Variants in CAMTA1 observed in about 807,000 individuals in gnomAD.
CAMTA1 encodes the protein calmodulin-binding transcription activator 1.
CAMTA1 carries 27 observed loss-of-function variants against 170.9 expected under a neutral mutation model. The ratio of observed to expected loss-of-function variants is 0.16; its 90% CI spans 0.12 to 0.22. CAMTA1 has a LOEUF of 0.22. Among genes scored for constraint, CAMTA1 ranks in the 10% least tolerant of loss-of-function variants. The probability of loss-of-function intolerance (pLI) is 1.00; values close to 1 mark genes in which losing one functional copy is unlikely to be tolerated. For missense variants in CAMTA1, 1,619 were observed against 2,217.2 expected (o/e 0.73, Z 5.42); for synonymous variants, 833 against 891.5 (o/e 0.93, Z 1.17).
At chr1:7,268,658 T>C (rs1669265537) in intron 5 of CAMTA1, among the ~76,000 whole-genome samples, 1 of 152,308 alleles carries the variant, frequency 6.6e-6, no homozygotes, top group Non-Finnish European at 1.5e-5. Flanking sequence ...AGCAAGCTGA[T>C]CTGCAAATAA....
intron 7 of CAMTA1, among the ~76,000 whole-genome samples, chr1:7,645,543 G>T (rs1022270657): frequency 5.3e-5 from 8 of 152,248 alleles, no homozygotes; most frequent in Non-Finnish European, 1.0e-4. Flanking sequence ...CCACCTGGAG[G>T]CTCCTCTTGG....
intron 3 of CAMTA1, among the ~76,000 whole-genome samples, chr1:6,987,460 C>T (rs2412218): frequency 0.28 from 43,166 of 152,106 alleles, 6,220 homozygotes; most frequent in Non-Finnish European, 0.31. Context: ...CCATCACGCC[C>T]GGCCAAAGAC....
chr1:7,612,078 C>T (rs180812282), intron 6 of CAMTA1, among the ~76,000 whole-genome samples: 1 of 152,344 alleles, frequency 6.6e-6, no homozygotes, highest in Non-Finnish European at 1.5e-5. Context: ...AGTTGCCATC[C>T]ACGGACAGCT....
intron 4 of CAMTA1, among the ~76,000 whole-genome samples, chr1:7,100,814 C>T (rs1035793825): frequency 6.6e-6 from 1 of 152,240 alleles, no homozygotes; most frequent in Non-Finnish European, 1.5e-5. Context: ...GGGCCATCCA[C>T]TATGCTGTGC....
intron 9 of CAMTA1, among the ~76,000 whole-genome samples, chr1:7,666,027 G>T (rs752390298): frequency 1.8e-4 from 27 of 151,944 alleles, no homozygotes; most frequent in Non-Finnish European, 3.8e-4. Context: ...AAATTAACTG[G>T]GCGTAGTGGC....
chr1:7,500,314 G>A lies in CAMTA1; in HGVS notation c.510+32413G>A, dbSNP rs71509040. Among the ~76,000 whole-genome samples, 181 of 127,342 alleles carry A rather than the reference G, an allele frequency of 1.4e-3. 1 individual carries two copies. The highest frequency in any genetic ancestry group is 3.5e-3 in the East Asian group (11 of 3,138). 83.5% of individuals were successfully genotyped at this position (127,342 alleles called of 152,430 possible). A position where few individuals can be genotyped will look rare whatever the true frequency, so the allele number is the denominator to read the frequency against. On this transcript the variant is annotated intron_variant, in intron 6 of 22. Coordinates refer to ENST00000303635, the MANE Select transcript of CAMTA1 (RefSeq NM_015215.4). ...TGAGTGTGTGTGTGCATGTGTGTCC[G>A]TGAGCGAGTGTGTAGAGAGGATGGT...
chr1:7,029,163 G>A (rs1702434781), intron 3 of CAMTA1, among the ~76,000 whole-genome samples: 2 of 152,162 alleles, frequency 1.3e-5, no homozygotes, highest in South Asian at 4.1e-4. Flanking sequence ...TAATGCATGT[G>A]AGCCTTCATT....
chr1:7,342,273 C>A (rs533022686), intron 5 of CAMTA1, among the ~76,000 whole-genome samples: 84 of 152,288 alleles, frequency 5.5e-4, no homozygotes, highest in African/African-American at 1.9e-3. Context: ...AAGGTGGATG[C>A]AGAGCCCGGG....
intron 3 of CAMTA1, among the ~76,000 whole-genome samples, chr1:6,869,471 T>C (rs1256143183): frequency 6.6e-6 from 1 of 152,202 alleles, no homozygotes. Context: ...CAGAATCAGC[T>C]CTTTGTTGTC....
At chr1:7,339,818 A>G (rs12078450) in intron 5 of CAMTA1, among the ~76,000 whole-genome samples, 9,640 of 152,128 alleles carry the variant, frequency 0.063, 992 homozygotes, top group African/African-American at 0.22. Context: ...GCTGGTCTCA[A>G]ACTCCTGACC....
intron 3 of CAMTA1, among the ~76,000 whole-genome samples, chr1:6,880,932 CAA>C (rs921413857): frequency 1.3e-5 from 2 of 151,770 alleles, no homozygotes; most frequent in Non-Finnish European, 2.9e-5. Context: ...TAATAATAAA[CAA>C]TAAACAAAAA....
At chr1:6,917,489 G>A (rs1681063879) in intron 3 of CAMTA1, among the ~76,000 whole-genome samples, 1 of 149,776 alleles carries the variant, frequency 6.7e-6, no homozygotes, top group South Asian at 2.1e-4. Context: ...TGGAGCTGGA[G>A]AGAAGTGACA....
At chr1:7,493,651 G>T (rs1370173011) in intron 6 of CAMTA1, among the ~76,000 whole-genome samples, 2 of 24,852 alleles carry the variant, frequency 8.0e-5, no homozygotes, top group East Asian at 1.1e-3. Context: ...ACTGGGGGGG[G>T]GGGGGGGTCA....
intron 4 of CAMTA1, among the ~76,000 whole-genome samples, chr1:7,230,667 C>T (rs1307977591): frequency 2.6e-5 from 4 of 152,176 alleles, no homozygotes; most frequent in Admixed American, 2.6e-4. Context: ...TCAGGCTCTT[C>T]AGCTCGGGAG....
chr1:6,999,248 G>A (rs995612092), intron 3 of CAMTA1, among the ~76,000 whole-genome samples: 5 of 152,138 alleles, frequency 3.3e-5, no homozygotes, highest in Non-Finnish European at 1.5e-5. Context: ...TTTGTGTTAC[G>A]TTGTTCTTGC....
intron 6 of CAMTA1, among the ~76,000 whole-genome samples, chr1:7,468,378 T>A (rs2093261259): frequency 6.6e-6 from 1 of 152,222 alleles, no homozygotes; most frequent in African/African-American, 2.4e-5. Context: ...GTAATCGATT[T>A]GTGATGTCTG....
intron 11 of CAMTA1, among the ~76,000 whole-genome samples, chr1:7,715,747 G>A (rs1193572447): frequency 1.3e-5 from 2 of 152,234 alleles, no homozygotes; most frequent in African/African-American, 2.4e-5. Context: ...TGGTCTAGGG[G>A]TAGGGTGCCA....
At chr1:6,935,540 T>C (rs1004012998) in intron 3 of CAMTA1, among the ~76,000 whole-genome samples, 8 of 152,160 alleles carry the variant, frequency 5.3e-5, no homozygotes, top group African/African-American at 9.7e-5. Flanking sequence ...TCTGAATAAA[T>C]TGACTTGAGG....
At chr1:7,438,259 G>T (rs1260549431) in intron 5 of CAMTA1, among the ~76,000 whole-genome samples, 1 of 152,168 alleles carries the variant, frequency 6.6e-6, no homozygotes, top group African/African-American at 2.4e-5. Context: ...GGGGCAAGAC[G>T]CACTGTCCGA....
Sources: gnomAD v4.1 joint callset for allele counts (sites outside exome capture counted in the v4.1 genomes callset) on GRCh38, gnomAD v4.1.1 for gene constraint, MANE v1.5 for transcripts, NCBI Gene and HGNC (gene_info 2026-07-23, HGNC 2026-07-21) for gene names.